MED29: variants seen among roughly 807,000 people sequenced by gnomAD.
The protein encoded by MED29 is mediator of RNA polymerase II transcription subunit 29.
Under a neutral mutation model 22.0 loss-of-function variants are expected in MED29, and 14 were observed. The observed-to-expected ratio is 0.64, with a 90% CI of 0.42 to 0.99. The LOEUF is 0.99. MED29 is among the 50% of genes least tolerant of loss of function. The pLI, the probability that MED29 is intolerant of heterozygous loss-of-function variation, is 0.00. For missense variants in MED29, 241 were observed against 253.7 expected, an observed-to-expected ratio of 0.95 and a Z score of 0.34; for synonymous variants, 123 against 107.8, an observed-to-expected ratio of 1.14 and a Z score of -0.87.
Position 39,400,435 on chromosome 19 carries a change from A to C in MED29, c.*2736A>C, listed in dbSNP as rs1460501004. 6.6e-6 allele frequency: 1 copy of C among 152,188 alleles called. No individual in the cohort carries two copies. The highest frequency in any genetic ancestry group is 6.5e-5 in the Admixed American group (1 of 15,288). The allele number at this position is 152,188 out of a possible 1,614,324, so 9.4% of individuals were successfully genotyped here. A position where few individuals can be genotyped will look rare whatever the true frequency, so the allele number is the denominator to read the frequency against. On this transcript the variant is annotated 3_prime_UTR_variant, in exon 4 of 4. Coordinates refer to ENST00000315588, the MANE Select transcript of MED29 (RefSeq NM_017592.4). The stretch of plus-strand genomic sequence containing the variant: ...AAATACTCATTTTTTAAGTGTAATT[A>C]AGTTGAAGATCAAAAAATGGAAATG...
rs745993783 is a variant in MED29 at position 39,397,861 on chromosome 19, G to A, written c.*162G>A. ...GAGGCCAACAGGGAGCTCGCAGGCC[G>A]GGCCCCTGCGTCCCTGCCCCTTCTT... is the stretch of plus-strand genomic sequence containing the variant. On this transcript the variant is annotated 3_prime_UTR_variant, in exon 4 of 4. Coordinates refer to ENST00000315588, the MANE Select transcript of MED29 (RefSeq NM_017592.4). 6.4e-5 allele frequency: 78 copies of A among 1,214,188 alleles called. No individual in the cohort carries two copies. The highest frequency in any genetic ancestry group is 8.3e-5 in the Non-Finnish European group (74 of 892,156). 75.2% of individuals were successfully genotyped at this position (1,214,188 alleles called of 1,614,324 possible).
intron 2 of MED29, 88 bp from the exon 3 acceptor site, chr19:39,393,465 T>C: frequency 8.2e-7 from 1 of 1,226,654 alleles, no homozygotes; most frequent in Non-Finnish European, 1.2e-6. Context: ...CTGTACCTGG[T>C]TTCCTGATGG....
Position 39,399,741 on chromosome 19 carries a change from A to G in MED29, c.*2042A>G, listed in dbSNP as rs559374196. ...GGTGGAGATGTCGGTCCATGAGCGC[A>G]CACACAAGACTGAGGGACTGTCGGC... On this transcript the variant is annotated 3_prime_UTR_variant, in exon 4 of 4. Transcript: ENST00000315588. The G allele has an allele frequency of 5.3e-5, 8 of 151,744 alleles. No individual in the cohort carries two copies. Among genetic ancestry groups the G allele is most frequent in the African/African-American group, 1.9e-4 (8 of 41,312 alleles). The allele number at this position is 151,744 out of a possible 1,614,324, so 9.4% of individuals were successfully genotyped here. A position where few individuals can be genotyped will look rare whatever the true frequency, so the allele number is the denominator to read the frequency against.
rs888427397 is a variant in MED29, at chr19:39,399,296, A to T, written c.*1597A>T. ...ACGCCTGTAATCCCAACACTTTGGG[A>T]GCCCGAGGCGGGCGGATCACAAGGT... On this transcript the variant is annotated 3_prime_UTR_variant, in exon 4 of 4. Transcript: ENST00000315588. 5.3e-5 allele frequency: 8 copies of T among 152,252 alleles called. No individual in the cohort carries two copies. The highest frequency in any genetic ancestry group is 1.2e-4 in the Non-Finnish European group (8 of 68,064). The allele number at this position is 152,252 out of a possible 1,614,324, so 9.4% of individuals were successfully genotyped here. A position where few individuals can be genotyped will look rare whatever the true frequency, so the allele number is the denominator to read the frequency against.
At chr19:39,391,973 C>A (rs2078385731) in intron 1 of MED29, among the ~76,000 whole-genome samples, 1 of 152,066 alleles carries the variant, frequency 6.6e-6, no homozygotes, top group South Asian at 2.1e-4. Flanking sequence ...TGCAGTGAGC[C>A]GACATCGTGC....
Position 39,395,496 on chromosome 19 carries a change from C to T in MED29, c.360+1859C>T, listed in dbSNP as rs186344331. ...GGACTGGGCTCCACCAGGGCGGGGT[C>T]GTGAGGAAATGGGGAAGACTGGGGG... On this transcript the variant is annotated intron_variant, in intron 3 of 3. Coordinates refer to ENST00000315588, the MANE Select transcript of MED29 (RefSeq NM_017592.4). Among the ~76,000 whole-genome samples the T allele has an allele frequency of 6.4e-3, 966 of 152,048 alleles. 10 individuals carry two copies. The highest frequency in any genetic ancestry group is 6.2e-3 in the Non-Finnish European group (421 of 67,972).
At chr19:39,395,646 C>T (rs563215705) in intron 3 of MED29, among the ~76,000 whole-genome samples, 12 of 152,174 alleles carry the variant, frequency 7.9e-5, no homozygotes, top group African/African-American at 1.4e-4. Context: ...TCACTGGGCC[C>T]GGTGATTCAT....
Position 39,392,462 on chromosome 19 carries a change from A to G in MED29, c.217-2A>G. 2 of 1,613,844 alleles carry G rather than the reference A, an allele frequency of 1.2e-6. No individual in the cohort carries two copies. Among genetic ancestry groups the G allele is most frequent in the Non-Finnish European group, 1.7e-6 (2 of 1,179,872 alleles). ...CACGTGTTTTGTTTTTGTTTTGACT[A>G]GACCTTGATGAAGGTTGCGGCCCAA... is the stretch of plus-strand genomic sequence containing the variant. On this transcript the variant is annotated splice_acceptor_variant, in intron 1 of 3. Transcript: ENST00000315588. LOFTEE classifies it high-confidence loss of function.
In MED29 at chr19:39,393,622, G is replaced by A; in HGVS notation, c.345G>A (p.Gln115=). The change falls in exon 3 of 4, where the codon CAG becomes CAA. Residue 115 remains glutamine (Q), a synonymous_variant. Transcript: ENST00000315588. The part of the protein sequence containing the change: ...CLEEFYALCD[Q]LELCLRLAHE... ...AAGAGTTCTATGCACTCTGTGACCA[G>A]CTGGAGCTGTGCCTGGTAAGAAGCC... The A allele has an allele frequency of 6.2e-7, 1 of 1,614,114 alleles. No individual in the cohort carries two copies. The highest frequency in any genetic ancestry group is 8.5e-7 in the Non-Finnish European group (1 of 1,179,952).
chr19:39,394,432 T>C (rs936335874), intron 3 of MED29, among the ~76,000 whole-genome samples: 1 of 152,050 alleles, frequency 6.6e-6, no homozygotes, highest in African/African-American at 2.4e-5. Context: ...AATTTTTGTA[T>C]TTTTAGTAGA....
In MED29 at chr19:39,391,386, C is replaced by G. The variant is rs111562975; in HGVS notation, c.-37C>G. The G allele has an allele frequency of 1.2e-6, 2 of 1,602,166 alleles. No individual in the cohort carries two copies. The highest frequency in any genetic ancestry group is 1.7e-4 in the Middle Eastern group (1 of 5,974). ...TGCTGAAAAGCAACGGGGAGAGACGCAGTCGTAACGCACTTCCGGCGGTCT... is the reference window on the plus strand; with the variant it reads ...TGCTGAAAAGCAACGGGGAGAGACGGAGTCGTAACGCACTTCCGGCGGTCT... On this transcript the variant is annotated 5_prime_UTR_variant, in exon 1 of 4. Transcript: ENST00000315588.
intron 3 of MED29, 89 bp downstream of exon 3, chr19:39,393,726 A>G: frequency 9.2e-7 from 1 of 1,088,688 alleles, no homozygotes; most frequent in Non-Finnish European, 1.4e-6. Context: ...CTCACACTCA[A>G]CTGGGGACCT....
At chr19:39,395,200 A>T (rs566609418) in intron 3 of MED29, among the ~76,000 whole-genome samples, 2 of 152,304 alleles carry the variant, frequency 1.3e-5, no homozygotes, top group East Asian at 3.9e-4. Flanking sequence ...TAGTGTCAGA[A>T]CCATGTTCCA....
intron 1 of MED29, 34 bp downstream of exon 1, chr19:39,391,672 A>G: frequency 1.3e-6 from 2 of 1,545,068 alleles, no homozygotes; most frequent in African/African-American, 1.4e-5. Context: ...AGCAAACTGG[A>G]TTTGGTAGTC....
chr19:39,391,712 C>G, intron 1 of MED29, 74 bp downstream of exon 1: 2 of 1,478,052 alleles, frequency 1.4e-6, no homozygotes, highest in South Asian at 2.6e-5. Context: ...CCAGGTTAGT[C>G]GGAGAGAGCG....
chr19:39,392,051 CTG>C (rs1393909705), intron 1 of MED29, among the ~76,000 whole-genome samples: 4 of 152,208 alleles, frequency 2.6e-5, no homozygotes, highest in African/African-American at 7.2e-5. Flanking sequence ...ATAAATAAAA[CTG>C]TTGTTTTCTG....
At chr19:39,395,857 C>T (rs2078425467) in intron 3 of MED29, among the ~76,000 whole-genome samples, 1 of 151,768 alleles carries the variant, frequency 6.6e-6, no homozygotes, top group Non-Finnish European at 1.5e-5. Context: ...GCAGAGCTTG[C>T]AGTGAGCCGA....
rs1028897739 is a variant in MED29 at position 39,400,243 on chromosome 19, G to C, written c.*2544G>C. ...AAAATTCAAAAATTAGCCAGGTGTGGTGGTGCGTGCCCAGGTTCCCAGGTA... is the reference window on the plus strand; with the variant it reads ...AAAATTCAAAAATTAGCCAGGTGTGCTGGTGCGTGCCCAGGTTCCCAGGTA... On this transcript the variant is annotated 3_prime_UTR_variant, in exon 4 of 4. Transcript: ENST00000315588. 18 of 152,188 alleles carry C rather than the reference G, an allele frequency of 1.2e-4. No homozygotes were observed. Among genetic ancestry groups the C allele is most frequent in the African/African-American group, 4.3e-4 (18 of 41,430 alleles). 9.4% of individuals were successfully genotyped at this position (152,188 alleles called of 1,614,324 possible).
rs1389805972 is a variant in MED29, at chr19:39,400,534, T to C, written c.*2835T>C. 1.3e-5 allele frequency: 2 copies of C among 152,248 alleles called. No individual in the cohort carries two copies. The highest frequency in any genetic ancestry group is 4.8e-5 in the African/African-American group (2 of 41,462). The allele number at this position is 152,248 out of a possible 1,614,324, so 9.4% of individuals were successfully genotyped here. On this transcript the variant is annotated 3_prime_UTR_variant, in exon 4 of 4. Coordinates refer to ENST00000315588, the MANE Select transcript of MED29 (RefSeq NM_017592.4). ...GCATATGGAGAATCGTGTTACTTTA[T>C]TGAAAAACATTAAAAGTTTGAGAAC...
Sources: gnomAD v4.1 joint callset for allele counts (sites outside exome capture counted in the v4.1 genomes callset) on GRCh38, gnomAD v4.1.1 for gene constraint, MANE v1.5 for transcripts, NCBI Gene and HGNC (gene_info 2026-07-23, HGNC 2026-07-21) for gene names.